The following TJP1 variants were observed in gnomAD, a reference collection of about 807,000 sequenced individuals.
TJP1 encodes tight junction protein 1, also known as tight junction protein ZO-1.
In TJP1, 43 loss-of-function variants were observed where a neutral mutation model predicts 194.2. The ratio of observed to expected loss-of-function variants is 0.22; its 90% CI spans 0.17 to 0.29. TJP1 has a LOEUF of 0.29. Ranked by LOEUF, TJP1 falls within the 10% of genes least tolerant of loss-of-function variation. The pLI is 1.00. For missense variants in TJP1, 1,971 were observed against 2,185.7 expected, an observed-to-expected ratio of 0.90 and a Z score of 1.96; for synonymous variants, 801 against 779.0, an observed-to-expected ratio of 1.03 and a Z score of -0.47.
intron 2 of TJP1, among the ~76,000 whole-genome samples, chr15:29,834,980 G>C (rs1177179580): frequency 6.6e-6 from 1 of 152,200 alleles, no homozygotes; most frequent in Admixed American, 6.5e-5. Context: ...GAAAGAACCT[G>C]ATGGAAATAA....
chr15:29,952,664 A>G (rs11632353), intron 2 of TJP1, among the ~76,000 whole-genome samples: 4 of 152,210 alleles, frequency 2.6e-5, no homozygotes, highest in Non-Finnish European at 4.4e-5. Flanking sequence ...AAATAAAAAT[A>G]GAAATATTAT....
chr15:29,789,526 T>G (rs551974037), intron 2 of TJP1, among the ~76,000 whole-genome samples: 1 of 152,306 alleles, frequency 6.6e-6, no homozygotes, highest in African/African-American at 2.4e-5. Flanking sequence ...TTACTTAGTC[T>G]TTAAGAATGA....
intron 2 of TJP1, among the ~76,000 whole-genome samples, chr15:29,833,871 A>ATTT (rs1567116902): frequency 1.1e-4 from 2 of 18,348 alleles, no homozygotes; most frequent in African/African-American, 1.8e-4. Context: ...ATATATATAT[A>ATTT]TATATATATA....
chr15:29,797,596 A>G (rs1195966369), intron 2 of TJP1, among the ~76,000 whole-genome samples: 1 of 152,116 alleles, frequency 6.6e-6, no homozygotes, highest in Non-Finnish European at 1.5e-5. Flanking sequence ...AAAAAAAAAA[A>G]AAAATCTCAA....
intron 1 of TJP1, among the ~76,000 whole-genome samples, chr15:29,818,936 G>C (rs1487261534): frequency 1.3e-5 from 2 of 151,510 alleles, no homozygotes; most frequent in Non-Finnish European, 2.9e-5. Flanking sequence ...TCCTTCCTTA[G>C]CTTCCCAAGT....
intron 2 of TJP1, among the ~76,000 whole-genome samples, chr15:29,951,088 G>A (rs1373826717): frequency 1.3e-5 from 2 of 152,122 alleles, no homozygotes; most frequent in Non-Finnish European, 1.5e-5. Context: ...AGGGGTTGAG[G>A]GAGGAGGAGA....
intron 2 of TJP1, among the ~76,000 whole-genome samples, chr15:29,783,477 A>G (rs1567019795): frequency 6.6e-6 from 1 of 152,262 alleles, no homozygotes; most frequent in Non-Finnish European, 1.5e-5. Context: ...TACTGGGTAT[A>G]TACCCAAAGG....
intron 1 of TJP1, among the ~76,000 whole-genome samples, chr15:29,817,534 T>C (rs916154493): frequency 6.6e-6 from 1 of 152,114 alleles, no homozygotes; most frequent in Non-Finnish European, 1.5e-5. Flanking sequence ...CATGCACACA[T>C]ATGTTTACTG....
intron 2 of TJP1, among the ~76,000 whole-genome samples, chr15:29,916,361 G>C (rs1484912407): frequency 1.3e-5 from 2 of 151,848 alleles, no homozygotes; most frequent in African/African-American, 4.8e-5. Flanking sequence ...AAATGCTCTG[G>C]GTTGGCACTT....
chr15:29,705,545 G>A lies in TJP1; in HGVS notation c.5051C>T (p.Pro1684Leu). ...KVCRDNSILP[P>L]LDKEKGETLL... ...ACATTTACCTTTCTCTTTATCTAAAGGTGGAAGGATGCTGTTGTCCCGGCA... is the reference window on the plus strand; with the variant it reads ...ACATTTACCTTTCTCTTTATCTAAAAGTGGAAGGATGCTGTTGTCCCGGCA... Residue 1684 changes from proline to leucine, a missense_variant, in exon 26 of 28, where the codon CCT (proline) becomes CTT (leucine). Transcript: ENST00000614355. 6.2e-7 allele frequency: 1 copy of A among 1,614,196 alleles called. No individual in the cohort carries two copies.
chr15:29,928,920 C>T (rs574398566), intron 2 of TJP1, among the ~76,000 whole-genome samples: 39 of 151,200 alleles, frequency 2.6e-4, no homozygotes, highest in African/African-American at 3.7e-4. Context: ...CCAGCCTGGG[C>T]GACAGAATGA....
chr15:29,789,969 AG>A (rs1432930638), intron 2 of TJP1, among the ~76,000 whole-genome samples: 1 of 152,146 alleles, frequency 6.6e-6, no homozygotes, highest in East Asian at 1.9e-4. Flanking sequence ...AGACAAACTG[AG>A]TAAGAATCTC....
chr15:29,952,820 T>C (rs2055799972), intron 2 of TJP1, among the ~76,000 whole-genome samples: 1 of 152,274 alleles, frequency 6.6e-6, no homozygotes, highest in Admixed American at 6.5e-5. Flanking sequence ...ATTTGTAAAA[T>C]AGTGTGTAAA....
In TJP1 at chr15:29,926,041, A is replaced by G. The variant is rs545917186; in HGVS notation, c.306+30191T>C. On this transcript the variant is annotated intron_variant, in intron 2 of 28. Coordinates refer to the TJP1 transcript ENST00000356107. The stretch of plus-strand genomic sequence containing the variant: ...GGAGGGAGCCGCCAGCTAGTGCAGC[A>G]GTTAGCTCACCATGCCAGGACCCAC... Among the ~76,000 whole-genome samples, 37 of 152,314 alleles carry G rather than the reference A, an allele frequency of 2.4e-4. 1 individual carries two copies. In the South Asian group the frequency reaches 7.5e-3, roughly 31 times the overall value.
intron 1 of TJP1, among the ~76,000 whole-genome samples, chr15:29,803,543 G>C (rs1355765876): frequency 1.3e-5 from 2 of 152,140 alleles, no homozygotes; most frequent in Non-Finnish European, 2.9e-5. Flanking sequence ...CTTACGATGA[G>C]TTTAATCAGG....
In TJP1 at chr15:29,918,469, T is replaced by C. The variant is rs534997074; in HGVS notation, c.306+37763A>G. On this transcript the variant is annotated intron_variant, in intron 2 of 28. Coordinates refer to the TJP1 transcript ENST00000356107. The stretch of plus-strand genomic sequence containing the variant: ...AATGGTATAGGCCAGGAGCAGTGAC[T>C]CACGCCTGTAATCCGAGTACTGTGG... Among the ~76,000 whole-genome samples the C allele has an allele frequency of 2.0e-5, 3 of 152,296 alleles. No homozygotes were observed. In the South Asian group the frequency reaches 6.2e-4, roughly 32 times the overall value.
At chr15:29,794,219 G>C (rs1194378697) in intron 2 of TJP1, among the ~76,000 whole-genome samples, 1 of 152,088 alleles carries the variant, frequency 6.6e-6, no homozygotes, top group East Asian at 1.9e-4. Flanking sequence ...TGGAGGGATG[G>C]CTGGTGAGGA....
chr15:29,767,135 T>C (rs2046377487), intron 4 of TJP1, among the ~76,000 whole-genome samples: 2 of 152,194 alleles, frequency 1.3e-5, no homozygotes, highest in African/African-American at 4.8e-5. Context: ...CCAGTCTAGG[T>C]GCAAATTCTT....
At chr15:29,795,659 G>A (rs554858721) in intron 2 of TJP1, among the ~76,000 whole-genome samples, 2 of 151,906 alleles carry the variant, frequency 1.3e-5, no homozygotes, top group Non-Finnish European at 2.9e-5. Flanking sequence ...GAAGGAACAC[G>A]TCCCAACTCC....
Sources: allele counts gnomAD v4.1 joint callset (sites outside exome capture counted in the v4.1 genomes callset), GRCh38; gene constraint gnomAD v4.1.1; transcripts MANE v1.5; gene names NCBI Gene and HGNC (gene_info 2026-07-23, HGNC 2026-07-21).